COL25A1: variants seen among roughly 807,000 people sequenced by gnomAD.
The protein encoded by COL25A1 is collagen alpha-1(XXV) chain.
A neutral mutation model predicts 128.4 loss-of-function variants in COL25A1; 103 were observed. That is an observed-to-expected ratio of 0.80 (90% confidence interval 0.68 to 0.94). COL25A1 has a LOEUF of 0.94. COL25A1 is among the 40% of genes least tolerant of loss of function. The pLI is 0.00. For synonymous variants in COL25A1, 279 were observed against 277.2 expected (o/e 1.01, Z -0.06); for missense variants, 745 against 840.0 (o/e 0.89, Z 1.40).
At chr4:109,169,212 G>A (rs974057493) in intron 3 of COL25A1, among the ~76,000 whole-genome samples, 7 of 152,222 alleles carry the variant, frequency 4.6e-5, no homozygotes, top group African/African-American at 1.4e-4. Context: ...CTGCCCATAT[G>A]TGCTCCTTGC....
intron 3 of COL25A1, among the ~76,000 whole-genome samples, chr4:109,297,874 T>C (rs1421911982): frequency 2.7e-4 from 37 of 138,752 alleles, no homozygotes; most frequent in African/African-American, 8.5e-4. Flanking sequence ...TTTTTTTTTT[T>C]TTTTTTTTTT....
At chr4:109,078,134 A>G (rs1432394969) in intron 3 of COL25A1, among the ~76,000 whole-genome samples, 1 of 152,150 alleles carries the variant, frequency 6.6e-6, no homozygotes, top group Non-Finnish European at 1.5e-5. Context: ...ATTAAACTCT[A>G]ATTTTCTGCT....
chr4:108,922,508 T>C (rs1327580089), intron 11 of COL25A1, among the ~76,000 whole-genome samples: 2 of 152,180 alleles, frequency 1.3e-5, no homozygotes, highest in Non-Finnish European at 1.5e-5. Context: ...CACACGGATA[T>C]ATAACCCCGG....
chr4:108,818,092 A>T (rs1560693935), intron 36 of COL25A1, among the ~76,000 whole-genome samples: 1 of 152,160 alleles, frequency 6.6e-6, no homozygotes, highest in Non-Finnish European at 1.5e-5. Flanking sequence ...AAGTGTTGCA[A>T]AATTTATTTT....
At chr4:109,034,907 T>C (rs1431482453) in intron 5 of COL25A1, among the ~76,000 whole-genome samples, 1 of 152,176 alleles carries the variant, frequency 6.6e-6, no homozygotes, top group Non-Finnish European at 1.5e-5. Context: ...ACTGAAATCT[T>C]ATATAAAGAC....
intron 6 of COL25A1, among the ~76,000 whole-genome samples, chr4:108,996,715 C>T (rs1163646761): frequency 2.0e-5 from 3 of 152,164 alleles, no homozygotes; most frequent in African/African-American, 7.2e-5. Context: ...AAATTAACCA[C>T]ATAATTGATA....
At chr4:109,204,031 T>C (rs1000730192) in intron 3 of COL25A1, among the ~76,000 whole-genome samples, 1 of 152,124 alleles carries the variant, frequency 6.6e-6, no homozygotes, top group African/African-American at 2.4e-5. Context: ...AAACTTATAA[T>C]ACACACTTTT....
At chr4:109,074,372 A>G (rs1384133534) in intron 3 of COL25A1, among the ~76,000 whole-genome samples, 1 of 152,234 alleles carries the variant, frequency 6.6e-6, no homozygotes, top group Admixed American at 6.5e-5. Context: ...AAATGGCACC[A>G]GAAAAAATAA....
intron 30 of COL25A1, among the ~76,000 whole-genome samples, chr4:108,842,337 G>C (rs1734543962): frequency 6.6e-6 from 1 of 152,088 alleles, no homozygotes; most frequent in Middle Eastern, 3.2e-3. Context: ...ATTCCTCAAA[G>C]CTCTTGTAAT....
intron 8 of COL25A1, among the ~76,000 whole-genome samples, chr4:108,942,017 C>A (rs2125929828): frequency 6.6e-6 from 1 of 152,304 alleles, no homozygotes; most frequent in South Asian, 2.1e-4. Context: ...AATATCCTCT[C>A]AAGTATGCTC....
At chr4:109,284,171 TC>T (rs1250623829) in intron 3 of COL25A1, among the ~76,000 whole-genome samples, 4 of 152,212 alleles carry the variant, frequency 2.6e-5, no homozygotes, top group Non-Finnish European at 1.5e-5. Context: ...ACGCCTATAA[TC>T]CCAGCACTTT....
intron 5 of COL25A1, among the ~76,000 whole-genome samples, chr4:109,030,655 C>T (rs1200346157): frequency 1.3e-5 from 2 of 152,150 alleles, no homozygotes; most frequent in African/African-American, 2.4e-5. Context: ...AAGGCCTGTG[C>T]AGTCATTCCT....
intron 24 of COL25A1, among the ~76,000 whole-genome samples, chr4:108,857,184 C>T (rs1736625749): frequency 6.6e-6 from 1 of 151,912 alleles, no homozygotes; most frequent in South Asian, 2.1e-4. Flanking sequence ...AATTATGGGG[C>T]CACTGGAAGT....
chr4:109,119,410 G>C (rs1448473309), intron 3 of COL25A1, among the ~76,000 whole-genome samples: 1 of 151,858 alleles, frequency 6.6e-6, no homozygotes, highest in Non-Finnish European at 1.5e-5. Context: ...ACTCAAAACT[G>C]GTTCTTTGGA....
intron 3 of COL25A1, among the ~76,000 whole-genome samples, chr4:109,106,241 C>A (rs1043580316): frequency 6.6e-6 from 1 of 152,134 alleles, no homozygotes; most frequent in African/African-American, 2.4e-5. Context: ...ACCTATGACA[C>A]CAGCCACAAG....
intron 19 of COL25A1, among the ~76,000 whole-genome samples, chr4:108,873,504 C>T (rs1739017528): frequency 6.6e-6 from 1 of 150,900 alleles, no homozygotes; most frequent in Non-Finnish European, 1.5e-5. Context: ...ATCTTACAGG[C>T]TTACAAATGT....
intron 3 of COL25A1, among the ~76,000 whole-genome samples, chr4:109,071,562 T>A (rs921830063): frequency 6.6e-6 from 1 of 152,122 alleles, no homozygotes; most frequent in Non-Finnish European, 1.5e-5. Context: ...ACAAAGGGCT[T>A]ATATTCAGAA....
chr4:108,876,348 T>C (rs1305571591), intron 19 of COL25A1, among the ~76,000 whole-genome samples: 1 of 151,342 alleles, frequency 6.6e-6, no homozygotes, highest in Non-Finnish European at 1.5e-5. Flanking sequence ...GAGAGAGAAA[T>C]AATAGAGAGG....
chr4:109,287,207 G>T (rs1170654437), intron 3 of COL25A1, among the ~76,000 whole-genome samples: 1 of 152,116 alleles, frequency 6.6e-6, no homozygotes, highest in Non-Finnish European at 1.5e-5. Context: ...CCATACTTTT[G>T]TAATTATTAA....
Sources: gnomAD v4.1 joint callset for allele counts (sites outside exome capture counted in the v4.1 genomes callset) on GRCh38, gnomAD v4.1.1 for gene constraint, MANE v1.5 for transcripts, NCBI Gene and HGNC (gene_info 2026-07-23, HGNC 2026-07-21) for gene names.